XYLT1: variants seen among roughly 807,000 people sequenced by gnomAD.
The protein encoded by XYLT1 is xylosyltransferase 1.
A neutral mutation model predicts 91.3 loss-of-function variants in XYLT1; 36 were observed. The observed-to-expected ratio is 0.39, with a 90% CI of 0.30 to 0.52. XYLT1 has a LOEUF of 0.52. Ranked by LOEUF, XYLT1 falls within the 20% of genes least tolerant of loss-of-function variation. The pLI is 0.68. For missense variants in XYLT1, 1,242 were observed against 1,284.5 expected (o/e 0.97, Z 0.51); for synonymous variants, 588 against 532.0 (o/e 1.11, Z -1.45).
At chr16:17,202,461 G>A (rs1239029781) in intron 3 of XYLT1, among the ~76,000 whole-genome samples, 2 of 152,190 alleles carry the variant, frequency 1.3e-5, no homozygotes, top group African/African-American at 4.8e-5. Flanking sequence ...CCCTCGATTG[G>A]TGGGTCTCAC....
intron 1 of XYLT1, among the ~76,000 whole-genome samples, chr16:17,442,655 G>A (rs1251771997): frequency 6.6e-6 from 1 of 152,154 alleles, no homozygotes; most frequent in African/African-American, 2.4e-5. Context: ...CCCACCTTGA[G>A]AGAGGGGGCA....
At chr16:17,246,378 C>T (rs2033435996) in intron 3 of XYLT1, among the ~76,000 whole-genome samples, 1 of 152,180 alleles carries the variant, frequency 6.6e-6, no homozygotes, top group African/African-American at 2.4e-5. Context: ...GTATCAATAG[C>T]TAGAGAAAGG....
rs78474987 is a variant in XYLT1 at position 17,163,291 on chromosome 16, A to G, written c.1290-4382T>C. On this transcript the variant is annotated intron_variant, in intron 5 of 11. Transcript: ENST00000261381. ...GCACCATTGTGTGTGTGTCTTATCT[A>G]TATAACAGCTCTGGACATGAAGATA... 8.4e-3 allele frequency among the ~76,000 whole-genome samples: 1,274 copies of G among 152,310 alleles called. 18 individuals carry two copies. The highest frequency in any genetic ancestry group is 0.058 in the East Asian group (301 of 5,180).
intron 1 of XYLT1, among the ~76,000 whole-genome samples, chr16:17,378,138 G>A (rs995838826): frequency 2.0e-5 from 3 of 152,138 alleles, no homozygotes; most frequent in Non-Finnish European, 2.9e-5. Flanking sequence ...AGAATGAAAC[G>A]TCAGCAATTA....
intron 1 of XYLT1, among the ~76,000 whole-genome samples, chr16:17,368,925 G>T (rs1435942376): frequency 1.3e-5 from 2 of 151,742 alleles, no homozygotes; most frequent in African/African-American, 4.8e-5. Flanking sequence ...CTTGTTCCTG[G>T]ATTATGAATA....
chr16:17,228,148 G>C (rs1184824829), intron 3 of XYLT1: 1 of 152,204 alleles, frequency 6.6e-6, no homozygotes, highest in Non-Finnish European at 1.5e-5. Flanking sequence ...CAATAAGTGA[G>C]CTACAGTGAC....
At chr16:17,399,784 A>G (rs1274112480) in intron 1 of XYLT1, among the ~76,000 whole-genome samples, 6 of 151,770 alleles carry the variant, frequency 4.0e-5, no homozygotes, top group Non-Finnish European at 8.8e-5. Context: ...CTCGCCCCCA[A>G]CTCCAGCCCC....
At chr16:17,270,683 C>A (rs1039031982) in intron 2 of XYLT1, among the ~76,000 whole-genome samples, 1 of 152,190 alleles carries the variant, frequency 6.6e-6, no homozygotes, top group African/African-American at 2.4e-5. Flanking sequence ...GGCTTGGCAT[C>A]GCTATTCATT....
intron 5 of XYLT1, among the ~76,000 whole-genome samples, chr16:17,181,387 A>G (rs561949080): frequency 6.6e-6 from 1 of 152,346 alleles, no homozygotes; most frequent in Admixed American, 6.5e-5. Flanking sequence ...GAATAAGGAA[A>G]GTGACCACAC....
intron 1 of XYLT1, among the ~76,000 whole-genome samples, chr16:17,384,091 A>C (rs564593028): frequency 1.3e-5 from 2 of 151,934 alleles, no homozygotes; most frequent in South Asian, 4.2e-4. Flanking sequence ...GTTTCCCTCC[A>C]TAAGATGAGG....
At position 17,470,682 on chromosome 16, in the gene XYLT1, C is replaced by G; in HGVS notation, c.115G>C (p.Asp39His). The G allele has an allele frequency of 1.7e-6, 2 of 1,158,636 alleles. No homozygotes were observed. Among genetic ancestry groups the G allele is most frequent in the Non-Finnish European group, 2.2e-6 (2 of 922,128 alleles). 71.8% of individuals were successfully genotyped at this position (1,158,636 alleles called of 1,614,324 possible). A position where few individuals can be genotyped will look rare whatever the true frequency, so the allele number is the denominator to read the frequency against. ...TLVVWNFSSL[D>H]SGAGERRGGA... ...CCGCGGCGCTCCCCGGCCCCGGAGTCGAGGCTGCTGAAATTCCACACGACC... is the reference window on the plus strand; with the variant it reads ...CCGCGGCGCTCCCCGGCCCCGGAGTGGAGGCTGCTGAAATTCCACACGACC... The change falls in exon 1 of 12, where the codon GAC (aspartate) becomes CAC (histidine). Residue 39 changes from aspartate to histidine, a missense_variant. This residue lies in a region of XYLT1 where 437 missense variants were observed against 411.5 expected (regional missense o/e 1.06). Transcript: ENST00000261381.
chr16:17,365,285 GT>G (rs1172048472), intron 1 of XYLT1, among the ~76,000 whole-genome samples: 1 of 152,172 alleles, frequency 6.6e-6, no homozygotes, highest in African/African-American at 2.4e-5. Context: ...CAACCAAGGT[GT>G]TGCATAACGG....
chr16:17,300,395 C>T (rs1184561425), intron 2 of XYLT1, among the ~76,000 whole-genome samples: 1 of 150,518 alleles, frequency 6.6e-6, no homozygotes, highest in Non-Finnish European at 1.5e-5. Context: ...GTTAAATAAA[C>T]CATGCTATGT....
intron 2 of XYLT1, among the ~76,000 whole-genome samples, chr16:17,327,602 TCCCG>T (rs2034829237): frequency 1.9e-5 from 2 of 107,042 alleles, no homozygotes; most frequent in Admixed American, 8.9e-5. Flanking sequence ...GACCTCGTGA[TCCCG>T]CCCCCCCCCC....
At chr16:17,222,766 G>A (rs2032992487) in intron 3 of XYLT1, among the ~76,000 whole-genome samples, 8 of 148,168 alleles carry the variant, frequency 5.4e-5, no homozygotes. Flanking sequence ...CTCCAGCCTG[G>A]GTGACAGAGC....
At chr16:17,321,817 C>T (rs1357565839) in intron 2 of XYLT1, among the ~76,000 whole-genome samples, 1 of 152,054 alleles carries the variant, frequency 6.6e-6, no homozygotes, top group Non-Finnish European at 1.5e-5. Flanking sequence ...TCCTACAGTA[C>T]CTGGGAACCC....
At chr16:17,439,055 C>T (rs1386256318) in intron 1 of XYLT1, among the ~76,000 whole-genome samples, 2 of 152,026 alleles carry the variant, frequency 1.3e-5, no homozygotes, top group Non-Finnish European at 2.9e-5. Flanking sequence ...AGGATGAGTG[C>T]AATACAGAAA....
intron 5 of XYLT1, among the ~76,000 whole-genome samples, chr16:17,180,727 T>C (rs1466366321): frequency 1.3e-5 from 2 of 152,186 alleles, no homozygotes; most frequent in Non-Finnish European, 2.9e-5. Flanking sequence ...ACTGGTCTTA[T>C]AGGCAGTGGG....
At chr16:17,271,827 A>G (rs1460431852) in intron 2 of XYLT1, among the ~76,000 whole-genome samples, 1 of 152,072 alleles carries the variant, frequency 6.6e-6, no homozygotes, top group Non-Finnish European at 1.5e-5. Flanking sequence ...TCCTGTTCCC[A>G]TTCAGAAACA....
Sources: allele counts gnomAD v4.1 joint callset (sites outside exome capture counted in the v4.1 genomes callset), GRCh38; gene constraint gnomAD v4.1.1; regional missense constraint gnomAD v4.1.1; transcripts MANE v1.5; gene names NCBI Gene and HGNC (gene_info 2026-07-23, HGNC 2026-07-21).